PPM1A: variants seen among roughly 807,000 people sequenced by gnomAD.
The protein encoded by PPM1A is protein phosphatase, Mg2+/Mn2+ dependent 1A, also known as protein phosphatase 1A.
PPM1A carries 7 observed loss-of-function variants against 35.0 expected under a neutral mutation model. The ratio of observed to expected loss-of-function variants is 0.20; its 90% CI spans 0.11 to 0.38. The LOEUF (loss-of-function observed/expected upper bound fraction) is 0.38, where lower values mean the gene tolerates loss of function less well. Among genes scored for constraint, PPM1A ranks in the 10% least tolerant of loss-of-function variants. The pLI is 1.00. For missense variants in PPM1A, 239 were observed against 467.8 expected, an observed-to-expected ratio of 0.51 and a Z score of 4.51; for synonymous variants, 153 against 167.3, an observed-to-expected ratio of 0.91 and a Z score of 0.66.
At chr14:60,254,937 AC>A (rs1441681967) in intron 1 of PPM1A, among the ~76,000 whole-genome samples, 1 of 152,110 alleles carries the variant, frequency 6.6e-6, no homozygotes, top group African/African-American at 2.4e-5. Flanking sequence ...AAACTAGTAC[AC>A]TTGCTATCTC....
chr14:60,249,537 T>C lies in PPM1A; in HGVS notation c.-161T>C. The stretch of plus-strand genomic sequence containing the variant: ...CCCGGCTCCTCCCCTCCTCCGCCCC[T>C]TCCCCAGCCTGACCTGGCCCGCCGC... On this transcript the variant is annotated 5_prime_UTR_variant, in exon 1 of 6. Coordinates refer to ENST00000395076, the MANE Select transcript of PPM1A (RefSeq NM_021003.5). The surrounding 1 kb of genome is among the most constrained non-coding windows in gnomAD (Gnocchi z 4.5). 1 of 984,640 alleles carries C rather than the reference T, an allele frequency of 1.0e-6. No homozygotes were observed. The highest frequency in any genetic ancestry group is 1.2e-6 in the Non-Finnish European group (1 of 829,366). 61.0% of individuals were successfully genotyped at this position (984,640 alleles called of 1,614,324 possible).
At chr14:60,288,430 A>C in intron 3 of PPM1A, 1 of 984,778 alleles carries the variant, frequency 1.0e-6, no homozygotes, top group Non-Finnish European at 1.2e-6. Context: ...AGATTGTGAA[A>C]TTGTGCAGTT....
chr14:60,268,471 A>AT (rs1239423317), intron 1 of PPM1A: 1 of 884,986 alleles, frequency 1.1e-6, no homozygotes, highest in Admixed American at 6.2e-5. Context: ...ATTTTAAATA[A>AT]TTTTTTTAGT....
chr14:60,249,312 C>G lies in PPM1A; in HGVS notation c.-386C>G, dbSNP rs1347161377. The G allele has an allele frequency of 7.3e-6, 7 of 955,180 alleles. No individual in the cohort carries two copies. The highest frequency in any genetic ancestry group is 8.5e-6 in the Non-Finnish European group (7 of 823,836). The allele number at this position is 955,180 out of a possible 1,614,324, so 59.2% of individuals were successfully genotyped here. A position where few individuals can be genotyped will look rare whatever the true frequency, so the allele number is the denominator to read the frequency against. Reference sequence around the variant, plus strand: ...GTCTCGGCGCTCGTCCGGCCCGCAGCTTCGGGTCCTCAGGCGGCTGTTGCT... The same window carrying G: ...GTCTCGGCGCTCGTCCGGCCCGCAGGTTCGGGTCCTCAGGCGGCTGTTGCT... On this transcript the variant is annotated 5_prime_UTR_variant, in exon 1 of 6. Coordinates refer to ENST00000395076, the MANE Select transcript of PPM1A (RefSeq NM_021003.5). The surrounding 1 kb of genome is among the most constrained non-coding windows in gnomAD (Gnocchi z 4.5).
rs1555346416 is a variant in PPM1A, at chr14:60,295,393, TCAAA to T, written c.*2914_*2917del. 1.3e-5 allele frequency: 2 copies of T among 151,870 alleles called. No homozygotes were observed. The highest frequency in any genetic ancestry group is 3.0e-5 in the Non-Finnish European group (2 of 67,744). 9.4% of individuals were successfully genotyped at this position (151,870 alleles called of 1,614,324 possible). On this transcript the variant is annotated 3_prime_UTR_variant, in exon 6 of 6. Transcript: ENST00000395076. ...AACTTAATTCAGCTTTGGAAGTATC[TCAAA>T]CATATTTTTACTTTATAGTGCATTA...
At chr14:60,285,488 A>T in intron 2 of PPM1A, 136 bp from the exon 3 acceptor site, 1 of 805,008 alleles carries the variant, frequency 1.2e-6, no homozygotes. Context: ...ATGCGTGCAC[A>T]TATGTATTTT....
At chr14:60,269,572 A>T (rs1884835970) in intron 1 of PPM1A, among the ~76,000 whole-genome samples, 1 of 151,022 alleles carries the variant, frequency 6.6e-6, no homozygotes, top group South Asian at 2.1e-4. Flanking sequence ...TTTATTTGAG[A>T]CAGTCTTGCT....
chr14:60,272,733 G>C, intron 1 of PPM1A, among the ~76,000 whole-genome samples: 1 of 146,404 alleles, frequency 6.8e-6, no homozygotes, highest in Non-Finnish European at 1.5e-5. Flanking sequence ...AAGACCCTAA[G>C]TGTACACTCA....
intron 1 of PPM1A, among the ~76,000 whole-genome samples, chr14:60,252,930 G>C (rs1882616062): frequency 6.6e-6 from 1 of 152,118 alleles, no homozygotes; most frequent in African/African-American, 2.4e-5. Flanking sequence ...TTTTGCTGAG[G>C]CAGGTCAGAG....
rs771912693 is a variant in PPM1A at position 60,295,173 on chromosome 14, C to G, written c.*2691C>G. The G allele has an allele frequency of 1.3e-4, 19 of 151,680 alleles. No homozygotes were observed. The highest frequency in any genetic ancestry group is 2.2e-4 in the Non-Finnish European group (15 of 67,712). 9.4% of individuals were successfully genotyped at this position (151,680 alleles called of 1,614,324 possible). A position where few individuals can be genotyped will look rare whatever the true frequency, so the allele number is the denominator to read the frequency against. On this transcript the variant is annotated 3_prime_UTR_variant, in exon 6 of 6. Transcript: ENST00000395076. ...AAATATACTTTTATCATTTAAATGT[C>G]TTATTTGCTGCTATGAATAGGAAAT...
chr14:60,253,168 A>G (rs1325281493), intron 1 of PPM1A, among the ~76,000 whole-genome samples: 2 of 152,102 alleles, frequency 1.3e-5, no homozygotes, highest in African/African-American at 2.4e-5. Flanking sequence ...TAATATGTTT[A>G]TTTGGAATCC....
chr14:60,264,709 G>A (rs1183784615), intron 1 of PPM1A, among the ~76,000 whole-genome samples: 2 of 151,848 alleles, frequency 1.3e-5, no homozygotes, highest in Non-Finnish European at 2.9e-5. Flanking sequence ...TCTGTATTAT[G>A]TTCTAGGTGG....
At chr14:60,290,365 G>T (rs1430148414) in intron 4 of PPM1A, among the ~76,000 whole-genome samples, 1 of 152,064 alleles carries the variant, frequency 6.6e-6, no homozygotes, top group Non-Finnish European at 1.5e-5. Flanking sequence ...ATTTTTGGTT[G>T]TTGATTGCTG....
At chr14:60,259,817 A>C (rs1883541820) in intron 1 of PPM1A, among the ~76,000 whole-genome samples, 1 of 152,034 alleles carries the variant, frequency 6.6e-6, no homozygotes, top group South Asian at 2.1e-4. Flanking sequence ...TCTCCAACTA[A>C]ATTTAGCTTA....
chr14:60,263,971 A>G (rs1595293332), intron 1 of PPM1A, among the ~76,000 whole-genome samples: 1 of 150,428 alleles, frequency 6.6e-6, no homozygotes, highest in Admixed American at 6.6e-5. Context: ...TTTTTTTAGC[A>G]TAAAAGAGTT....
intron 1 of PPM1A, among the ~76,000 whole-genome samples, chr14:60,262,731 G>A (rs1231134563): frequency 6.6e-6 from 1 of 151,850 alleles, no homozygotes; most frequent in African/African-American, 2.4e-5. Flanking sequence ...GAACATGTGG[G>A]GATTTAAAGA....
At chr14:60,270,641 GAA>G (rs1884969431) in intron 1 of PPM1A, among the ~76,000 whole-genome samples, 1 of 152,124 alleles carries the variant, frequency 6.6e-6, no homozygotes, top group African/African-American at 2.4e-5. Flanking sequence ...ATTTTTGAGA[GAA>G]ATGATAGGGA....
At chr14:60,286,159 G>T in intron 3 of PPM1A, 1 of 984,790 alleles carries the variant, frequency 1.0e-6, no homozygotes, top group South Asian at 4.7e-5. Context: ...AATCTCTAGG[G>T]CCTTTTTTCA....
Position 60,256,153 on chromosome 14 carries a change from G to A in PPM1A, c.-21+6476G>A, listed in dbSNP as rs114814492. Among the ~76,000 whole-genome samples, 657 of 152,354 alleles carry A rather than the reference G, an allele frequency of 4.3e-3. 5 individuals carry two copies. Among genetic ancestry groups the A allele is most frequent in the African/African-American group, 0.015 (627 of 41,584 alleles). On this transcript the variant is annotated intron_variant, in intron 1 of 5. Coordinates refer to ENST00000395076, the MANE Select transcript of PPM1A (RefSeq NM_021003.5). The stretch of plus-strand genomic sequence containing the variant: ...TAGAAAATACCAGCCAGGTGTGGTG[G>A]CTTATGCCTGTAATCCCAGCACTTT...
Sources: gnomAD v4.1 joint callset for allele counts (sites outside exome capture counted in the v4.1 genomes callset) on GRCh38, gnomAD v4.1.1 for gene constraint, Gnocchi (gnomAD v3.1) non-coding constraint, MANE v1.5 for transcripts, NCBI Gene and HGNC (gene_info 2026-07-23, HGNC 2026-07-21) for gene names.